The following ALPK2 variants were observed in gnomAD, a reference collection of about 807,000 sequenced individuals.
ALPK2 encodes alpha kinase 2, also known as alpha-protein kinase 2.
ALPK2 carries 127 observed loss-of-function variants against 163.1 expected under a neutral mutation model. The observed-to-expected ratio is 0.78, with a 90% CI of 0.67 to 0.90. The LOEUF is 0.90. Among genes scored for constraint, ALPK2 ranks in the 40% least tolerant of loss-of-function variants. ALPK2 has a pLI of 0.00. For synonymous variants in ALPK2, 953 were observed against 959.1 expected (o/e 0.99, Z 0.12); for missense variants, 2,360 against 2,589.6 (o/e 0.91, Z 1.92).
At chr18:58,597,500 C>A (rs559932196) in intron 3 of ALPK2, among the ~76,000 whole-genome samples, 1 of 152,304 alleles carries the variant, frequency 6.6e-6, no homozygotes, top group South Asian at 2.1e-4. Flanking sequence ...TCGTGGCAGA[C>A]AGAGGTTAAG....
At chr18:58,588,947 A>G (rs761220515) in intron 3 of ALPK2, among the ~76,000 whole-genome samples, 2 of 152,226 alleles carry the variant, frequency 1.3e-5, no homozygotes, top group Non-Finnish European at 2.9e-5. Context: ...TTGGGTTTAT[A>G]TCTGGTAATG....
chr18:58,597,838 A>G (rs1218688340), intron 3 of ALPK2, among the ~76,000 whole-genome samples: 4 of 152,242 alleles, frequency 2.6e-5, no homozygotes, highest in African/African-American at 9.6e-5. Flanking sequence ...ATGAGGTCAC[A>G]AGGGTGGGGC....
intron 4 of ALPK2, 78 bp downstream of exon 4, chr18:58,578,736 A>ACACACACGCGCGCACGCGCGCG (rs773192836): frequency 0.16 from 119,041 of 745,582 alleles, 6,279 homozygotes; most frequent in East Asian, 0.3. Context: ...AGGAAGAGAC[A>ACACACACGCGCGCACGCGCGCG]CACACACACA....
intron 12 of ALPK2, among the ~76,000 whole-genome samples, chr18:58,484,118 A>T (rs2051326167): frequency 6.6e-6 from 1 of 152,190 alleles, no homozygotes; most frequent in East Asian, 1.9e-4. Flanking sequence ...AAGCTCAACA[A>T]ATAGAGGATG....
At chr18:58,586,596 G>A (rs1220996097) in intron 3 of ALPK2, among the ~76,000 whole-genome samples, 1 of 152,096 alleles carries the variant, frequency 6.6e-6, no homozygotes, top group Non-Finnish European at 1.5e-5. Context: ...GAGGGGGCAG[G>A]ACCCAGTTGG....
chr18:58,541,002 C>G (rs1473571996), intron 4 of ALPK2, among the ~76,000 whole-genome samples: 1 of 152,220 alleles, frequency 6.6e-6, no homozygotes, highest in African/African-American at 2.4e-5. Flanking sequence ...AGCTTGGTCA[C>G]TGGAATAGAT....
In ALPK2 at chr18:58,535,191, G is replaced by A; in HGVS notation, c.4996C>T (p.Pro1666Ser). 6.2e-7 allele frequency: 1 copy of A among 1,613,986 alleles called. No individual in the cohort carries two copies. Among genetic ancestry groups the A allele is most frequent in the Non-Finnish European group, 8.5e-7 (1 of 1,179,998 alleles). Residue 1666 changes from proline (P) to serine (S), a missense_variant, in exon 5 of 13, where the codon CCT (proline) becomes TCT (serine). By Grantham distance (74) the Pro-to-Ser change is moderately conservative. Coordinates refer to ENST00000361673, the MANE Select transcript of ALPK2 (RefSeq NM_052947.4). ...TGACATGGATCCTGCAGTAATTTAG[G>A]GGCTTTCTCTAACTCACGTTCTCCT... ...ISGERELEKA[P>S]KLLQDPCQKG...
At position 58,535,403 on chromosome 18, in the gene ALPK2, C is replaced by A. The variant is rs138737333; in HGVS notation, c.4784G>T (p.Arg1595Leu). The A allele has an allele frequency of 6.2e-7, 1 of 1,614,192 alleles. No homozygotes were observed. The highest frequency in any genetic ancestry group is 8.5e-7 in the Non-Finnish European group (1 of 1,180,024). Residue 1595 changes from arginine to leucine, a missense_variant, in exon 5 of 13, where the codon CGT (arginine) becomes CTT (leucine). Coordinates refer to ENST00000361673, the MANE Select transcript of ALPK2 (RefSeq NM_052947.4). Reference protein sequence around the residue: ...SQKRGTIENERGKPLPSSPDL... With the variant: ...SQKRGTIENELGKPLPSSPDL... ...AGGAGAAGAGGGCAAAGGTTTCCCA[C>A]GCTCATTCTCAATAGTTCCCCTTTT...
rs746049016 is a variant in ALPK2, at chr18:58,579,349, C to A, written c.1427G>T (p.Arg476Ile). The change falls in exon 4 of 13, where the codon AGA becomes ATA. Residue 476 changes from arginine (R) to isoleucine (I), a missense_variant. Arg to Ile is a moderately conservative substitution (Grantham distance 97). Coordinates refer to ENST00000361673, the MANE Select transcript of ALPK2 (RefSeq NM_052947.4). ...QGETRDSHQA[R>I]EEFASDNLLN... ...CAGATTGTCACTGGCAAATTCCTCT[C>A]TTGCTTGGTGGCTGTCTCTGGTTTC... 3.1e-6 allele frequency: 5 copies of A among 1,614,090 alleles called. No individual in the cohort carries two copies. In the Admixed American group the frequency reaches 8.3e-5, roughly 27 times the overall value.
At chr18:58,572,517 G>A (rs570115567) in intron 4 of ALPK2, among the ~76,000 whole-genome samples, 9 of 152,108 alleles carry the variant, frequency 5.9e-5, no homozygotes, top group Non-Finnish European at 8.8e-5. Flanking sequence ...AAGACTAAGC[G>A]AACTGCGTGG....
At chr18:58,532,034 T>G (rs1465629195) in intron 5 of ALPK2, among the ~76,000 whole-genome samples, 1 of 152,096 alleles carries the variant, frequency 6.6e-6, no homozygotes, top group Admixed American at 6.5e-5. Context: ...AGAGAATTAT[T>G]TTTCCTGTCT....
At chr18:58,515,827 T>C (rs890089965) in intron 9 of ALPK2, among the ~76,000 whole-genome samples, 3 of 152,206 alleles carry the variant, frequency 2.0e-5, no homozygotes, top group Admixed American at 6.5e-5. Flanking sequence ...ATGTTTTAAT[T>C]GTTTTAGATG....
In ALPK2 at chr18:58,481,664, G is replaced by A; in HGVS notation, c.*159C>T. ...TTCTGAAATCATTTGAGTGAAGACA[G>A]CAGGTGATGGGTTTAGAAGCATCTT... On this transcript the variant is annotated 3_prime_UTR_variant, in exon 13 of 13. Coordinates refer to ENST00000361673, the MANE Select transcript of ALPK2 (RefSeq NM_052947.4). 1.6e-6 allele frequency: 1 copy of A among 629,434 alleles called. No homozygotes were observed. The highest frequency in any genetic ancestry group is 2.9e-6 in the Non-Finnish European group (1 of 350,678). 39.0% of individuals were successfully genotyped at this position (629,434 alleles called of 1,614,324 possible). A position where few individuals can be genotyped will look rare whatever the true frequency, so the allele number is the denominator to read the frequency against.
At chr18:58,515,806 TAATATTTTA>T (rs2051518178) in intron 9 of ALPK2, among the ~76,000 whole-genome samples, 1 of 152,236 alleles carries the variant, frequency 6.6e-6, no homozygotes, top group Non-Finnish European at 1.5e-5. Context: ...CTATGGATTT[TAATATTTTA>T]AATGTTTTAA....
At chr18:58,573,212 A>G (rs1266218936) in intron 4 of ALPK2, among the ~76,000 whole-genome samples, 684 of 40,322 alleles carry the variant, frequency 0.017, 3 homozygotes, top group African/African-American at 0.06. Context: ...ATGTGTATAT[A>G]TGTATATATA....
intron 3 of ALPK2, among the ~76,000 whole-genome samples, chr18:58,588,542 A>C (rs2051998650): frequency 6.6e-6 from 1 of 152,118 alleles, no homozygotes; most frequent in African/African-American, 2.4e-5. Flanking sequence ...AGCATGCATT[A>C]GCTATTTTTC....
At chr18:58,555,619 C>T (rs2051786460) in intron 4 of ALPK2, among the ~76,000 whole-genome samples, 1 of 152,130 alleles carries the variant, frequency 6.6e-6, no homozygotes, top group Non-Finnish European at 1.5e-5. Flanking sequence ...CTAAGTGTAC[C>T]CTTTATCATC....
At chr18:58,514,612 C>T (rs80242593) in intron 10 of ALPK2, among the ~76,000 whole-genome samples, 5,420 of 152,142 alleles carry the variant, frequency 0.036, 114 homozygotes, top group Non-Finnish European at 0.045. Flanking sequence ...TGGGACTAAT[C>T]GCCTTGTGAT....
rs1222362712 is a variant in ALPK2, at chr18:58,541,120, A to C, written c.1963-2896T>G. On this transcript the variant is annotated intron_variant, in intron 4 of 12. Transcript: ENST00000361673. The stretch of plus-strand genomic sequence containing the variant: ...TCTTGCACTGCTATAAATACCTGAG[A>C]CTGGGTAATTTATAAATGAAAGAGG... 2.0e-5 allele frequency among the ~76,000 whole-genome samples: 3 copies of C among 152,216 alleles called. No individual in the cohort carries two copies. In the East Asian group the frequency reaches 5.8e-4, roughly 29 times the overall value.
Sources: allele counts gnomAD v4.1 joint callset (sites outside exome capture counted in the v4.1 genomes callset), GRCh38; gene constraint gnomAD v4.1.1; transcripts MANE v1.5; gene names NCBI Gene and HGNC (gene_info 2026-07-23, HGNC 2026-07-21).